PRDM10: variants seen among roughly 807,000 people sequenced by gnomAD.
PRDM10 encodes the protein PR/SET domain 10, also known as PR domain zinc finger protein 10.
Under a neutral mutation model 133.1 loss-of-function variants are expected in PRDM10, and 65 were observed. The observed-to-expected ratio is 0.49, with a 90% CI of 0.40 to 0.60. PRDM10 has a LOEUF of 0.60. PRDM10 is among the 20% of genes least tolerant of loss of function. The pLI, the probability that PRDM10 is intolerant of heterozygous loss-of-function variation, is 0.00. For synonymous variants in PRDM10, 582 were observed against 580.4 expected (o/e 1.00, Z -0.04); for missense variants, 1,137 against 1,507.1 (o/e 0.75, Z 4.07).
intron 1 of PRDM10, among the ~76,000 whole-genome samples, chr11:129,997,195 C>A (rs916732197): frequency 2.6e-5 from 4 of 152,104 alleles, no homozygotes. Flanking sequence ...GACAGTTCTC[C>A]CGACTGGGTG....
chr11:129,914,041 G>A (rs148657186), intron 17 of PRDM10, among the ~76,000 whole-genome samples: 4,317 of 151,746 alleles, frequency 0.028, 214 homozygotes, highest in African/African-American at 0.098. Flanking sequence ...CTGTTCTGTC[G>A]CCCAGGCTGG....
At chr11:129,991,393 G>A (rs1390974345) in intron 1 of PRDM10, among the ~76,000 whole-genome samples, 1 of 152,130 alleles carries the variant, frequency 6.6e-6, no homozygotes, top group African/African-American at 2.4e-5. Context: ...TTAAAACTAT[G>A]TGATTAGCAG....
chr11:129,947,510 G>C lies in PRDM10; in HGVS notation c.295-140C>G. 6.6e-7 allele frequency: 1 copy of C among 1,520,268 alleles called. No individual in the cohort carries two copies. Among genetic ancestry groups the C allele is most frequent in the East Asian group, 2.3e-5 (1 of 44,012 alleles). 94.2% of individuals were successfully genotyped at this position (1,520,268 alleles called of 1,614,324 possible). On this transcript the variant is annotated intron_variant, in intron 4 of 20. Transcript: ENST00000360871. The surrounding 1 kb of genome is among the most constrained non-coding windows in gnomAD (Gnocchi z 4.6). ...AACTCCTTCCAGGCCCTGGAAAAAT[G>C]ACTTCCATCTACCGGCTGTGAGGAA...
At chr11:129,969,026 G>A (rs1296354390) in intron 1 of PRDM10, among the ~76,000 whole-genome samples, 1 of 152,136 alleles carries the variant, frequency 6.6e-6, no homozygotes, top group African/African-American at 2.4e-5. Flanking sequence ...GCAAGGTGCT[G>A]GGCACTCTCC....
chr11:129,919,460 C>G (rs1691306811), intron 13 of PRDM10, among the ~76,000 whole-genome samples: 1 of 152,184 alleles, frequency 6.6e-6, no homozygotes, highest in Non-Finnish European at 1.5e-5. Flanking sequence ...GAATCTCTAT[C>G]TTATGGATTT....
intron 1 of PRDM10, among the ~76,000 whole-genome samples, chr11:129,997,518 C>T (rs1052816834): frequency 6.6e-6 from 1 of 152,266 alleles, no homozygotes; most frequent in African/African-American, 2.4e-5. Flanking sequence ...AGTTCTTTCA[C>T]GAGCTGGTCC....
At chr11:129,984,000 G>T (rs894382209) in intron 1 of PRDM10, among the ~76,000 whole-genome samples, 1 of 152,122 alleles carries the variant, frequency 6.6e-6, no homozygotes, top group Non-Finnish European at 1.5e-5. Flanking sequence ...CTCAACACTG[G>T]CTCCCACGCC....
In PRDM10 at chr11:129,989,561, A is replaced by G. The variant is rs141060588; in HGVS notation, c.-119+13161T>C. On this transcript the variant is annotated intron_variant, in intron 1 of 20. Transcript: ENST00000360871. ...AGTAGGAGACTTTCAGGTGGGTCTT[A>G]TGTGGCCTGAAAAGCTTTCCTTCCA... is the stretch of plus-strand genomic sequence containing the variant. 4.9e-3 allele frequency among the ~76,000 whole-genome samples: 740 copies of G among 152,242 alleles called. 8 individuals are homozygous for G. The highest frequency in any genetic ancestry group is 0.017 in the African/African-American group (694 of 41,536).
chr11:129,983,251 T>G (rs917144096), intron 1 of PRDM10, among the ~76,000 whole-genome samples: 1 of 151,854 alleles, frequency 6.6e-6, no homozygotes, highest in East Asian at 1.9e-4. Context: ...GGGCTGGGAT[T>G]ACAAGCATGA....
chr11:129,957,813 G>T lies in PRDM10; in HGVS notation c.167C>A (p.Ala56Asp). The T allele has an allele frequency of 6.2e-7, 1 of 1,614,212 alleles. No individual in the cohort carries two copies. Among genetic ancestry groups the T allele is most frequent in the Non-Finnish European group, 8.5e-7 (1 of 1,180,032 alleles). ...PQQVVYTADG[A>D]SYTSVDGPEH... ...TGGACCATCCACTGATGTGTAGGAG[G>T]CACCATCTGCCGTGTACACCACCTG... Residue 56 changes from alanine (A) to aspartate (D), a missense_variant, in exon 3 of 21, where the codon GCC becomes GAC. By Grantham distance (126) the Ala-to-Asp change is moderately radical. Transcript: ENST00000360871.
chr11:129,982,242 A>G (rs1412964779), intron 1 of PRDM10, among the ~76,000 whole-genome samples: 1 of 151,944 alleles, frequency 6.6e-6, no homozygotes, highest in East Asian at 2.0e-4. Flanking sequence ...TGAGCAACAG[A>G]GCAAGACCCT....
intron 1 of PRDM10, among the ~76,000 whole-genome samples, chr11:129,979,544 T>G (rs1937985215): frequency 6.6e-6 from 1 of 152,158 alleles, no homozygotes. Flanking sequence ...GAGGTCCCTC[T>G]CCTTGGTGGA....
intron 1 of PRDM10, among the ~76,000 whole-genome samples, chr11:129,996,149 GA>G (rs1251836057): frequency 6.6e-6 from 1 of 152,202 alleles, no homozygotes; most frequent in African/African-American, 2.4e-5. Flanking sequence ...TGGGAAGCAA[GA>G]AATAAGCACA....
intron 11 of PRDM10, among the ~76,000 whole-genome samples, chr11:129,930,138 A>C (rs1950806376): frequency 6.6e-6 from 1 of 152,258 alleles, no homozygotes; most frequent in Admixed American, 6.5e-5. Context: ...GAGGCAAATA[A>C]GAAGACCAAA....
At chr11:129,906,922 A>G (rs1004368538) in intron 19 of PRDM10, among the ~76,000 whole-genome samples, 6 of 151,900 alleles carry the variant, frequency 3.9e-5, no homozygotes, top group Non-Finnish European at 7.4e-5. Context: ...AGTTGCAGTG[A>G]GCCAAGATCG....
At chr11:129,904,702 G>A (rs905992418) in intron 20 of PRDM10, among the ~76,000 whole-genome samples, 9 of 152,146 alleles carry the variant, frequency 5.9e-5, no homozygotes, top group South Asian at 2.1e-4. Flanking sequence ...GTTTTGCCAC[G>A]TTGGCCAAGT....
chr11:129,966,074 T>A (rs1951901479), intron 1 of PRDM10, among the ~76,000 whole-genome samples: 1 of 151,968 alleles, frequency 6.6e-6, no homozygotes, highest in Non-Finnish European at 1.5e-5. Flanking sequence ...TGAAACCCCA[T>A]CTCTACTAAA....
chr11:129,958,102 G>A (rs897203700), intron 2 of PRDM10, among the ~76,000 whole-genome samples, 192 bp from the exon 3 acceptor site: 5 of 152,150 alleles, frequency 3.3e-5, no homozygotes, highest in African/African-American at 7.2e-5. Flanking sequence ...TTAGGCAACC[G>A]ACTTAAATTC....
In PRDM10 at chr11:129,910,846, G is replaced by A. The variant is rs138272990; in HGVS notation, c.2983-190C>T. Reference sequence around the variant, plus strand: ...GGCTGGAGTGCAACGGCATGATCTCGGCTCACCGCAACCTCCGCCTCCTGA... The same window carrying A: ...GGCTGGAGTGCAACGGCATGATCTCAGCTCACCGCAACCTCCGCCTCCTGA... On this transcript the variant is annotated intron_variant, in intron 18 of 20. Transcript: ENST00000360871. Among the ~76,000 whole-genome samples the A allele has an allele frequency of 7.2e-3, 1,097 of 152,058 alleles. 12 individuals carry two copies. The highest frequency in any genetic ancestry group is 0.025 in the African/African-American group (1,033 of 41,460).
Sources: gnomAD v4.1 joint callset for allele counts (sites outside exome capture counted in the v4.1 genomes callset) on GRCh38, gnomAD v4.1.1 for gene constraint, Gnocchi (gnomAD v3.1) non-coding constraint, MANE v1.5 for transcripts, NCBI Gene and HGNC (gene_info 2026-07-23, HGNC 2026-07-21) for gene names.